The following SYT17 variants were observed in gnomAD, a reference collection of about 807,000 sequenced individuals.
SYT17 encodes the protein synaptotagmin-17.
SYT17 carries 22 observed loss-of-function variants against 46.7 expected under a neutral mutation model. The ratio of observed to expected loss-of-function variants is 0.47; its 90% confidence interval spans 0.34 to 0.67. The LOEUF is 0.67. Among genes scored for constraint, SYT17 ranks in the 30% least tolerant of loss-of-function variants. The pLI is 0.01. For synonymous variants in SYT17, 251 were observed against 248.4 expected (o/e 1.01, Z -0.10); for missense variants, 519 against 612.8 (o/e 0.85, Z 1.62).
chr16:19,172,925 C>A, intron 2 of SYT17, 148 bp downstream of exon 2: 1 of 983,788 alleles, frequency 1.0e-6, no homozygotes, highest in Non-Finnish European at 1.5e-6. Flanking sequence ...TCCTTTCTAC[C>A]GAAAGGAGAT....
intron 7 of SYT17, among the ~76,000 whole-genome samples, chr16:19,261,733 A>G (rs943345379): frequency 3.3e-5 from 5 of 152,216 alleles, no homozygotes; most frequent in African/African-American, 7.2e-5. Context: ...TTTAACAAAA[A>G]GATTGTGCTT....
At position 19,208,328 on chromosome 16, in the gene SYT17, C is replaced by CTT. The variant is rs547297605; in HGVS notation, c.952-14717_952-14716insTT. On this transcript the variant is annotated intron_variant, in intron 5 of 7. Transcript: ENST00000355377. ...TAGTCCTTCACACTGCTATAAAGAA[C>CTT]CACCTGAGACTGGGCACTACTAAGA... 3.1e-4 allele frequency among the ~76,000 whole-genome samples: 47 copies of CTT among 152,268 alleles called. No homozygotes were observed. In the East Asian group the frequency reaches 8.1e-3, roughly 26 times the overall value.
intron 5 of SYT17, among the ~76,000 whole-genome samples, chr16:19,190,215 C>CA (rs1487556989): frequency 6.6e-6 from 1 of 151,904 alleles, no homozygotes; most frequent in African/African-American, 2.4e-5. Flanking sequence ...ACTAAAAATA[C>CA]AAAAAATTAG....
chr16:19,231,134 G>A (rs1020543413), intron 7 of SYT17, among the ~76,000 whole-genome samples: 5 of 152,138 alleles, frequency 3.3e-5, no homozygotes, highest in Admixed American at 6.5e-5. Flanking sequence ...TTAGAGAAAG[G>A]CCATCTGTCT....
rs370651257 is a variant in SYT17 at position 19,183,845 on chromosome 16, C to T, written c.649C>T (p.His217Tyr). Residue 217 changes from histidine (H) to tyrosine (Y), a missense_variant, in exon 5 of 8, where the codon CAC becomes TAC. Transcript: ENST00000355377. This position sits in a 1 kb window ranked among gnomAD's most constrained non-coding sequence, Gnocchi z 5.6. ...CAGGGACCTGCCACCTCCCATCTCC[C>T]ACGATGGCTCGCGCCAGGACATGGC... is the stretch of plus-strand genomic sequence containing the variant. ...EARDLPPPIS[H>Y]DGSRQDMAHS... 192 of 1,613,992 alleles carry T rather than the reference C, an allele frequency of 1.2e-4. No homozygotes were observed. The highest frequency in any genetic ancestry group is 1.6e-4 in the Non-Finnish European group (183 of 1,179,994).
At chr16:19,179,613 G>T (rs879422382) in intron 3 of SYT17, among the ~76,000 whole-genome samples, 1 of 152,156 alleles carries the variant, frequency 6.6e-6, no homozygotes, top group Non-Finnish European at 1.5e-5. Flanking sequence ...TACAACCACC[G>T]TATAATGTGG....
At chr16:19,188,513 C>CAAAAA (rs61202540) in intron 5 of SYT17, among the ~76,000 whole-genome samples, 320 of 64,488 alleles carry the variant, frequency 5.0e-3, no homozygotes, top group Middle Eastern at 0.015. Context: ...TTCAGTTCTG[C>CAAAAA]AAAAAAAAAA....
intron 5 of SYT17, among the ~76,000 whole-genome samples, chr16:19,210,221 T>C (rs1965844305): frequency 6.6e-6 from 1 of 152,166 alleles, no homozygotes; most frequent in African/African-American, 2.4e-5. Context: ...AACACTACTC[T>C]ACTATCAAAC....
chr16:19,240,978 C>T (rs1361533644), intron 7 of SYT17, among the ~76,000 whole-genome samples: 3 of 134,432 alleles, frequency 2.2e-5, no homozygotes, highest in Admixed American at 8.0e-5. Context: ...GACGGAGTCT[C>T]GCTCTGTCGC....
At chr16:19,190,077 A>G (rs145832311) in intron 5 of SYT17, among the ~76,000 whole-genome samples, 2 of 152,370 alleles carry the variant, frequency 1.3e-5, no homozygotes, top group Non-Finnish European at 2.9e-5. Flanking sequence ...GGGGATTGAC[A>G]TAGACATGAA....
At chr16:19,198,786 A>G (rs1353505856) in intron 5 of SYT17, among the ~76,000 whole-genome samples, 2 of 152,268 alleles carry the variant, frequency 1.3e-5, no homozygotes, top group East Asian at 3.8e-4. Context: ...CAAGGCCTCA[A>G]TTAATGTGAA....
At chr16:19,259,617 T>C (rs1005308056) in intron 7 of SYT17, among the ~76,000 whole-genome samples, 2 of 152,174 alleles carry the variant, frequency 1.3e-5, no homozygotes, top group Admixed American at 1.3e-4. Context: ...TTAAATAGGT[T>C]CTTAGAGAAA....
intron 3 of SYT17, among the ~76,000 whole-genome samples, chr16:19,176,324 T>G (rs1286163609): frequency 6.6e-6 from 1 of 152,216 alleles, no homozygotes; most frequent in Non-Finnish European, 1.5e-5. Flanking sequence ...CACTTTCACT[T>G]GGAGGAAATG....
chr16:19,264,689 T>C (rs1969241898), intron 7 of SYT17, among the ~76,000 whole-genome samples: 1 of 151,628 alleles, frequency 6.6e-6, no homozygotes, highest in South Asian at 2.1e-4. Flanking sequence ...TTCCCTGGAC[T>C]CAGGTGATCC....
chr16:19,247,114 C>T (rs1418008958), intron 7 of SYT17, among the ~76,000 whole-genome samples: 3 of 152,130 alleles, frequency 2.0e-5, no homozygotes, highest in African/African-American at 4.8e-5. Flanking sequence ...GAGGGAACAG[C>T]AACACAAAGG....
intron 7 of SYT17, among the ~76,000 whole-genome samples, chr16:19,263,656 A>G (rs1969152681): frequency 6.6e-6 from 1 of 150,562 alleles, no homozygotes; most frequent in Admixed American, 6.6e-5. Flanking sequence ...AAAAAAAAAA[A>G]AAGAAAAGAA....
At chr16:19,175,803 C>T (rs1964292765) in intron 3 of SYT17, among the ~76,000 whole-genome samples, 1 of 152,138 alleles carries the variant, frequency 6.6e-6, no homozygotes, top group Admixed American at 6.5e-5. Context: ...TGTTGACTGA[C>T]AGACTATCCT....
chr16:19,217,113 G>T (rs1287733166), intron 5 of SYT17, among the ~76,000 whole-genome samples: 1 of 152,086 alleles, frequency 6.6e-6, no homozygotes, highest in Non-Finnish European at 1.5e-5. Context: ...GTTTTGATTT[G>T]CATTTCTCTA....
At chr16:19,218,208 C>T (rs2142840900) in intron 5 of SYT17, among the ~76,000 whole-genome samples, 1 of 152,360 alleles carries the variant, frequency 6.6e-6, no homozygotes, top group East Asian at 1.9e-4. Context: ...ATAATCGTGA[C>T]ATCCCCAAGT....
Sources: gnomAD v4.1 joint callset for allele counts (sites outside exome capture counted in the v4.1 genomes callset) on GRCh38, gnomAD v4.1.1 for gene constraint, Gnocchi (gnomAD v3.1) non-coding constraint, MANE v1.5 for transcripts, NCBI Gene and HGNC (gene_info 2026-07-23, HGNC 2026-07-21) for gene names.